The following NHSL2 variants were observed in gnomAD, a reference collection of about 807,000 sequenced individuals.
The protein encoded by NHSL2 is NHS like 2, also known as NHS-like protein 2.
Under a neutral mutation model 53.4 loss-of-function variants are expected in NHSL2, and 27 were observed. That is an observed-to-expected ratio of 0.51 (90% confidence interval 0.37 to 0.70). The LOEUF is 0.70. Among genes scored for constraint, NHSL2 ranks in the 30% least tolerant of loss-of-function variants. NHSL2 has a pLI of 0.00. For missense variants in NHSL2, 892 were observed against 980.1 expected (o/e 0.91, Z 1.20); for synonymous variants, 408 against 404.1 (o/e 1.01, Z -0.12).
intron 1 of NHSL2, among the ~76,000 whole-genome samples, chrX:71,973,985 T>C (rs186981584): frequency 8.9e-6 from 1 of 112,216 alleles, no homozygotes; most frequent in East Asian, 2.8e-4. Flanking sequence ...GGGGCAGAAC[T>C]GGAGCAGGTC....
intron 1 of NHSL2, among the ~76,000 whole-genome samples, chrX:72,087,970 C>T (rs774662529): frequency 4.0e-5 from 4 of 100,462 alleles, no homozygotes; most frequent in South Asian, 4.9e-4. Flanking sequence ...TTTGGGAGGC[C>T]GAGGCGGGCT....
intron 1 of NHSL2, chrX:72,044,590 G>A (rs1008770006): frequency 5.3e-5 from 57 of 1,071,546 alleles, no homozygotes; most frequent in Non-Finnish European, 6.9e-5. Context: ...AAAGGGCCGC[G>A]GCCACGTGCA....
intron 1 of NHSL2, among the ~76,000 whole-genome samples, chrX:71,994,011 G>A (rs1358436677): frequency 9.0e-6 from 1 of 111,722 alleles, no homozygotes; most frequent in Non-Finnish European, 1.9e-5. Flanking sequence ...CTCTTTCTTG[G>A]TCTTCCACAT....
At chrX:72,103,601 C>T (rs1387826580) in intron 1 of NHSL2, among the ~76,000 whole-genome samples, 1 of 111,801 alleles carries the variant, frequency 8.9e-6, no homozygotes, top group Non-Finnish European at 1.9e-5. Context: ...TTCACAGCTC[C>T]AAATGGCACC....
intron 1 of NHSL2, among the ~76,000 whole-genome samples, chrX:72,032,998 A>G (rs189625178): frequency 5.4e-4 from 61 of 112,246 alleles, no homozygotes; most frequent in Non-Finnish European, 1.0e-3. Context: ...GCTCTATAGT[A>G]GGCTTTAGCA....
rs1460683298 is a variant in NHSL2 at position 72,134,092 on chromosome X, A to G, written c.438A>G (p.Glu146=). 8.6e-7 allele frequency: 1 copy of G among 1,166,103 alleles called. No homozygotes were observed. Among genetic ancestry groups the G allele is most frequent in the Non-Finnish European group, 1.1e-6 (1 of 872,328 alleles). The part of the protein sequence containing the change: ...AQLNLQSLLQ[E]EYEEQYSEAR... ...TGTCTCCACTGTGCTATTTTTCAGA[A>G]GAATATGAGGAACAGTACTCGGAGG... The change falls in exon 3 of 8, where the codon GAA becomes GAG. Residue 146 remains glutamate (E), a splice_region_variant and synonymous_variant. Transcript: ENST00000633930.
chrX:72,107,667 G>A (rs1365904574), intron 1 of NHSL2, among the ~76,000 whole-genome samples: 2 of 112,130 alleles, frequency 1.8e-5, no homozygotes, highest in Non-Finnish European at 3.8e-5. Context: ...GGTGTTGGAG[G>A]AAGGAACAAC....
At chrX:72,136,896 C>G (rs141965494) in intron 4 of NHSL2, among the ~76,000 whole-genome samples, 198 bp from the exon 5 acceptor site, 1 of 112,267 alleles carries the variant, frequency 8.9e-6, no homozygotes, top group Non-Finnish European at 1.9e-5. Flanking sequence ...CTAAAACTTA[C>G]AGGCAACCTG....
intron 1 of NHSL2, among the ~76,000 whole-genome samples, chrX:72,108,711 T>C (rs1344005424): frequency 1.8e-5 from 2 of 112,169 alleles, no homozygotes; most frequent in Non-Finnish European, 3.8e-5. Context: ...ATGGGCTTTC[T>C]AGTTCCAGAA....
chrX:72,024,712 A>T (rs1485815983), intron 1 of NHSL2, among the ~76,000 whole-genome samples: 1 of 111,804 alleles, frequency 8.9e-6, no homozygotes, highest in African/African-American at 3.3e-5. Flanking sequence ...TTTTCATATC[A>T]CATTACGGTT....
intron 1 of NHSL2, among the ~76,000 whole-genome samples, chrX:72,049,039 GGAAGAA>G (rs1200689754): frequency 3.8e-4 from 36 of 94,652 alleles, no homozygotes; most frequent in African/African-American, 1.6e-3. Flanking sequence ...AAGAGGAAGA[GGAAGAA>G]GAAGAAGAAG....
chrX:72,044,984 C>CCCAAGGTAAT lies in NHSL2; in HGVS notation c.281-87094_281-87085dup. 14 of 568,843 alleles carry CCCAAGGTAAT rather than the reference C, an allele frequency of 2.5e-5. No homozygotes were observed. In the South Asian group the frequency reaches 3.6e-4, roughly 15 times the overall value. The allele number at this position is 568,843 out of a possible 1,213,427, so 46.9% of individuals were successfully genotyped here. ...TAAAAAAAAAAAAAAAGAAGAGTGG[C>CCCAAGGTAAT]CCAAGGTAATTTTCTAACTGATGTG... On this transcript the variant is annotated intron_variant, in intron 1 of 7. Transcript: ENST00000633930.
chrX:71,927,955 A>G (rs1457034689), intron 1 of NHSL2, among the ~76,000 whole-genome samples: 3 of 112,342 alleles, frequency 2.7e-5, no homozygotes, highest in African/African-American at 9.7e-5. Flanking sequence ...TAATAATAGT[A>G]CCTACTTTAT....
At chrX:72,101,111 G>A (rs943986516) in intron 1 of NHSL2, among the ~76,000 whole-genome samples, 2 of 109,311 alleles carry the variant, frequency 1.8e-5, no homozygotes, top group African/African-American at 3.4e-5. Flanking sequence ...CTGTGGTTGG[G>A]GAGGGTGTGG....
At chrX:72,115,744 C>T (rs2042134175) in intron 1 of NHSL2, among the ~76,000 whole-genome samples, 1 of 111,377 alleles carries the variant, frequency 9.0e-6, no homozygotes, top group Non-Finnish European at 1.9e-5. Flanking sequence ...TAAGAAAGCA[C>T]ATGACAAGGA....
chrX:71,966,760 G>A (rs1021570735), intron 1 of NHSL2, among the ~76,000 whole-genome samples: 7 of 111,162 alleles, frequency 6.3e-5, no homozygotes, highest in Admixed American at 1.9e-4. Context: ...TTCTTTTCTC[G>A]TTATGACTTC....
chrX:71,958,227 G>A lies in NHSL2; in HGVS notation c.280+46860G>A, dbSNP rs759553069. ...AGTCCTAGAGCCTCACTATAACTGC[G>A]TGTTTTCAACCTCCATCCCACCATG... is the stretch of plus-strand genomic sequence containing the variant. On this transcript the variant is annotated intron_variant, in intron 1 of 7. Coordinates refer to ENST00000633930, the MANE Select transcript of NHSL2 (RefSeq NM_001013627.3). Among the ~76,000 whole-genome samples the A allele has an allele frequency of 3.6e-5, 4 of 110,948 alleles. 1 individual carries two copies. The highest frequency in any genetic ancestry group is 3.3e-5 in the African/African-American group (1 of 30,477).
chrX:71,954,376 A>C (rs910111079), intron 1 of NHSL2, among the ~76,000 whole-genome samples: 3 of 112,420 alleles, frequency 2.7e-5, no homozygotes, highest in African/African-American at 6.5e-5. Context: ...TGCACTGTGC[A>C]CTGCCTCTGT....
chrX:72,039,314 C>A (rs141713939), intron 1 of NHSL2, among the ~76,000 whole-genome samples: 2 of 110,924 alleles, frequency 1.8e-5, no homozygotes, highest in South Asian at 7.5e-4. Flanking sequence ...TGTTGATACA[C>A]GAGTTAGAGT....
Sources: allele counts gnomAD v4.1 joint callset (sites outside exome capture counted in the v4.1 genomes callset), GRCh38; gene constraint gnomAD v4.1.1; transcripts MANE v1.5; gene names NCBI Gene and HGNC (gene_info 2026-07-23, HGNC 2026-07-21).